RBMS3: variants seen among roughly 807,000 people sequenced by gnomAD.
RBMS3 encodes RNA-binding motif, single-stranded-interacting protein 3.
RBMS3 carries 27 observed loss-of-function variants against 66.8 expected under a neutral mutation model. The observed-to-expected ratio is 0.40, with a 90% CI of 0.30 to 0.56. RBMS3 has a LOEUF of 0.56. Among genes scored for constraint, RBMS3 ranks in the 20% least tolerant of loss-of-function variants. RBMS3 has a pLI of 0.40. For missense variants in RBMS3, 513 were observed against 549.5 expected (o/e 0.93, Z 0.66); for synonymous variants, 188 against 183.0 (o/e 1.03, Z -0.22).
At chr3:29,431,195 TAATTCATTTTAA>T (rs1240836085) in intron 1 of RBMS3, among the ~76,000 whole-genome samples, 1 of 152,262 alleles carries the variant, frequency 6.6e-6, no homozygotes, top group South Asian at 2.1e-4. Context: ...TTATCCTGTA[TAATTCATTTTAA>T]AATTCATTTT....
At chr3:29,699,479 A>G (rs919964917) in intron 4 of RBMS3, among the ~76,000 whole-genome samples, 1 of 151,408 alleles carries the variant, frequency 6.6e-6, no homozygotes, top group African/African-American at 2.4e-5. Flanking sequence ...TAAAATTCAG[A>G]ATTTGCAAAA....
chr3:29,519,076 T>C (rs567960901), intron 3 of RBMS3, among the ~76,000 whole-genome samples: 3 of 152,348 alleles, frequency 2.0e-5, no homozygotes, highest in South Asian at 4.1e-4. Flanking sequence ...GAACTGGCAA[T>C]GTGACAGTGA....
chr3:29,411,154 A>G (rs955363612), intron 1 of RBMS3, among the ~76,000 whole-genome samples: 3 of 152,210 alleles, frequency 2.0e-5, no homozygotes, highest in Non-Finnish European at 4.4e-5. Context: ...TCTGATATCC[A>G]TTCATCATAA....
At position 29,664,871 on chromosome 3, in the gene RBMS3, C is replaced by T. The variant is rs142702098; in HGVS notation, c.400-74849C>T. On this transcript the variant is annotated intron_variant, in intron 4 of 14. Coordinates refer to ENST00000383767, the MANE Select transcript of RBMS3 (RefSeq NM_001003793.3). ...AATAGAAAAGAGTTCTTAGAGGACA[C>T]ATTTAAGATTATTCAAGATTTCTGT... 3.9e-5 allele frequency among the ~76,000 whole-genome samples: 6 copies of T among 151,988 alleles called. 1 individual carries two copies. In the East Asian group the frequency reaches 1.2e-3, roughly 29 times the overall value.
chr3:29,578,797 T>TCAC (rs1159556578), intron 3 of RBMS3, among the ~76,000 whole-genome samples: 4 of 117,308 alleles, frequency 3.4e-5, no homozygotes, highest in East Asian at 4.5e-4. Context: ...CTTCTTTTTT[T>TCAC]TTTTTTTTTT....
chr3:29,577,515 C>T (rs2047161474), intron 3 of RBMS3, among the ~76,000 whole-genome samples: 1 of 152,154 alleles, frequency 6.6e-6, no homozygotes, highest in African/African-American at 2.4e-5. Flanking sequence ...CCTTGACTGC[C>T]TTTCAGAGTT....
intron 4 of RBMS3, among the ~76,000 whole-genome samples, chr3:29,708,046 C>T (rs931692136): frequency 3.3e-5 from 5 of 152,186 alleles, no homozygotes; most frequent in African/African-American, 1.2e-4. Flanking sequence ...ATTGCACCTT[C>T]CGTTTAGAGA....
intron 3 of RBMS3, among the ~76,000 whole-genome samples, chr3:29,555,451 A>C (rs1423223118): frequency 6.6e-6 from 1 of 152,172 alleles, no homozygotes; most frequent in African/African-American, 2.4e-5. Flanking sequence ...GGAAATCCAA[A>C]CTTAAATGAT....
At chr3:29,787,099 T>C (rs116544378) in intron 6 of RBMS3, among the ~76,000 whole-genome samples, 9,860 of 151,936 alleles carry the variant, frequency 0.065, 340 homozygotes, top group African/African-American at 0.085. Context: ...TCACTAATTA[T>C]CAGTGAAATG....
chr3:29,354,139 GATTA>G (rs2037082143), intron 1 of RBMS3, among the ~76,000 whole-genome samples: 1 of 151,968 alleles, frequency 6.6e-6, no homozygotes, highest in African/African-American at 2.4e-5. Flanking sequence ...ACTATTTATT[GATTA>G]ATTGTTGGTA....
intron 2 of RBMS3, among the ~76,000 whole-genome samples, chr3:29,484,453 A>G (rs897782924): frequency 1.3e-5 from 2 of 152,086 alleles, no homozygotes; most frequent in African/African-American, 4.8e-5. Context: ...AAGGACAACA[A>G]TCATATTGGA....
chr3:29,653,929 G>A lies in RBMS3; in HGVS notation c.399+66724G>A, dbSNP rs189717617. Among the ~76,000 whole-genome samples, 67 of 152,172 alleles carry A rather than the reference G, an allele frequency of 4.4e-4. 1 individual carries two copies. The highest frequency in any genetic ancestry group is 3.9e-3 in the East Asian group (20 of 5,174). On this transcript the variant is annotated intron_variant, in intron 4 of 14. Coordinates refer to ENST00000383767, the MANE Select transcript of RBMS3 (RefSeq NM_001003793.3). The stretch of plus-strand genomic sequence containing the variant: ...TCTGCCTTGTCAAGCCCTGTTTTCC[G>A]TGTCTTCATAAACCTTGTCAGGCAT...
chr3:29,531,612 C>G (rs917545901), intron 3 of RBMS3, among the ~76,000 whole-genome samples: 2 of 152,150 alleles, frequency 1.3e-5, no homozygotes, highest in Non-Finnish European at 2.9e-5. Context: ...TTCCATGTGT[C>G]CTTGTTTGCG....
intron 4 of RBMS3, among the ~76,000 whole-genome samples, chr3:29,722,690 T>C (rs1267364797): frequency 6.6e-5 from 10 of 152,096 alleles, no homozygotes; most frequent in Admixed American, 6.6e-4. Context: ...TATAGGCCAA[T>C]TATTATGTAG....
intron 3 of RBMS3, among the ~76,000 whole-genome samples, chr3:29,493,089 T>C (rs1211518052): frequency 6.6e-6 from 1 of 152,188 alleles, no homozygotes; most frequent in Non-Finnish European, 1.5e-5. Context: ...CTCGTTTTCC[T>C]TACTAGGAAA....
chr3:29,430,933 C>G (rs2041160074), intron 1 of RBMS3, among the ~76,000 whole-genome samples: 1 of 152,170 alleles, frequency 6.6e-6, no homozygotes, highest in African/African-American at 2.4e-5. Flanking sequence ...GAAATCTCAT[C>G]TGACCCATTA....
chr3:29,863,376 A>G (rs2059266487), intron 6 of RBMS3, among the ~76,000 whole-genome samples: 1 of 152,150 alleles, frequency 6.6e-6, no homozygotes, highest in African/African-American at 2.4e-5. Context: ...TTAAAGTATA[A>G]TAATAAAAAG....
At chr3:29,395,222 T>G (rs570054766) in intron 1 of RBMS3, among the ~76,000 whole-genome samples, 2 of 152,168 alleles carry the variant, frequency 1.3e-5, no homozygotes, top group Non-Finnish European at 2.9e-5. Flanking sequence ...TACCACAAGT[T>G]TTTTCTAGCC....
chr3:29,632,813 G>A (rs2049334356), intron 4 of RBMS3, among the ~76,000 whole-genome samples: 1 of 151,850 alleles, frequency 6.6e-6, no homozygotes, highest in African/African-American at 2.4e-5. Flanking sequence ...GAGGTTTTCT[G>A]TGGACAGTGC....
Sources: gnomAD v4.1 joint callset for allele counts (sites outside exome capture counted in the v4.1 genomes callset) on GRCh38, gnomAD v4.1.1 for gene constraint, MANE v1.5 for transcripts, NCBI Gene and HGNC (gene_info 2026-07-23, HGNC 2026-07-21) for gene names.